The following STK11 variants were observed in gnomAD, a reference collection of about 807,000 sequenced individuals.
STK11 encodes serine/threonine-protein kinase STK11.
A neutral mutation model predicts 47.3 loss-of-function variants in STK11; 8 were observed. The ratio of observed to expected loss-of-function variants is 0.17; its 90% confidence interval spans 0.10 to 0.31. STK11 has a LOEUF of 0.31. Ranked by LOEUF, STK11 falls within the 10% of genes least tolerant of loss-of-function variation. The pLI, the probability that STK11 is intolerant of heterozygous loss-of-function variation, is 1.00. For synonymous variants in STK11, 330 were observed against 255.8 expected (o/e 1.29, Z -2.77); for missense variants, 475 against 605.0 (o/e 0.79, Z 2.25).
At chr19:1,207,594 G>A (rs771722495) in intron 1 of STK11, among the ~76,000 whole-genome samples, 7 of 152,240 alleles carry the variant, frequency 4.6e-5, no homozygotes, top group Non-Finnish European at 8.8e-5. Context: ...GAGTTTGTGT[G>A]CGGCCGCCAA....
chr19:1,207,380 G>A (rs1200811190), intron 1 of STK11, among the ~76,000 whole-genome samples, 177 bp downstream of exon 1: 1 of 152,178 alleles, frequency 6.6e-6, no homozygotes, highest in Non-Finnish European at 1.5e-5. Context: ...CCTGCGTTAC[G>A]GACTTTCACT....
At position 1,226,551 on chromosome 19, in the gene STK11, C is replaced by A. The variant is rs758129211; in HGVS notation, c.1206C>A (p.Thr402=). The A allele has an allele frequency of 3.1e-6, 5 of 1,602,160 alleles. No homozygotes were observed. The highest frequency in any genetic ancestry group is 2.3e-5 in the East Asian group (1 of 44,254). The part of the protein sequence containing the change: ...MNGTEAAQLS[T]KSRAEGRAPN... ...GCACAGAGGCGGCGCAGCTGAGCAC[C>A]AAATCCAGGGCGGAGGGCCGGGCCC... The change falls in exon 9 of 10, where the codon ACC becomes ACA. Residue 402 remains threonine, a synonymous_variant. Transcript: ENST00000326873.
Position 1,218,408 on chromosome 19 carries a change from C to T in STK11, c.291-9C>T, listed in dbSNP as rs1284524218. 1.9e-6 allele frequency: 3 copies of T among 1,611,924 alleles called. No individual in the cohort carries two copies. The highest frequency in any genetic ancestry group is 1.3e-5 in the African/African-American group (1 of 75,034). The stretch of plus-strand genomic sequence containing the variant: ...GTCGGCTGATACACCCCTGTCCTCT[C>T]TGTCCCAGGGAAATTCAACTACTGA... On this transcript the variant is annotated splice_polypyrimidine_tract_variant and intron_variant, in intron 1 of 9. Transcript: ENST00000326873.
chr19:1,226,332 C>T (rs748260775), intron 8 of STK11, 122 bp from the exon 9 acceptor site: 22 of 1,495,660 alleles, frequency 1.5e-5, no homozygotes, highest in South Asian at 1.2e-4. Context: ...GGGCCTGACC[C>T]GGGGGCGGGC....
At chr19:1,223,303 T>C in intron 8 of STK11, 131 bp downstream of exon 8, 1 of 1,163,012 alleles carries the variant, frequency 8.6e-7, no homozygotes, top group Non-Finnish European at 1.2e-6. Flanking sequence ...CCCCAAAGCC[T>C]CCAGCCCACC....
chr19:1,209,649 G>A (rs1357931234), intron 1 of STK11, among the ~76,000 whole-genome samples: 2 of 152,068 alleles, frequency 1.3e-5, no homozygotes, highest in African/African-American at 4.8e-5. Context: ...TTTGACAAAT[G>A]TATATGCAGG....
chr19:1,222,038 G>T, intron 7 of STK11, 32 bp downstream of exon 7: 2 of 1,554,964 alleles, frequency 1.3e-6, no homozygotes, highest in Non-Finnish European at 1.7e-6. Flanking sequence ...TGGGGCCGAG[G>T]CTGCAGGGAG....
intron 8 of STK11, chr19:1,225,604 A>G: frequency 3.0e-6 from 3 of 985,478 alleles, no homozygotes; most frequent in Non-Finnish European, 2.4e-6. Context: ...CTTCCTGTGC[A>G]CATGGGGTGG....
chr19:1,226,179 G>A, intron 8 of STK11: 1 of 1,312,460 alleles, frequency 7.6e-7, no homozygotes. Context: ...GTCAGTACCT[G>A]GGTGGGGTCC....
At chr19:1,220,255 C>T in intron 3 of STK11, 118 bp from the exon 4 acceptor site, 1 of 1,364,820 alleles carries the variant, frequency 7.3e-7, no homozygotes, top group African/African-American at 1.4e-5. Context: ...TGTGCCTGGA[C>T]TTCTGTGACT....
chr19:1,209,408 C>T (rs1295184219), intron 1 of STK11, among the ~76,000 whole-genome samples: 3 of 151,892 alleles, frequency 2.0e-5, no homozygotes, highest in Non-Finnish European at 4.4e-5. Context: ...CATGGTGAAA[C>T]CCCATCTCTA....
chr19:1,223,649 G>A (rs1396554614), intron 8 of STK11: 5 of 1,066,732 alleles, frequency 4.7e-6, no homozygotes, highest in Non-Finnish European at 3.4e-6. Context: ...TGGCGAGGAG[G>A]CGTCTGAGGC....
Position 1,228,070 on chromosome 19 carries a change from T to TA in STK11, c.*496dup. The TA allele has an allele frequency of 9.4e-7, 1 of 1,065,046 alleles. No homozygotes were observed. The highest frequency in any genetic ancestry group is 4.6e-5 in the South Asian group (1 of 21,962). The allele number at this position is 1,065,046 out of a possible 1,614,324, so 66.0% of individuals were successfully genotyped here. ...CATTTTCTTTTTTTCTTTTTTTTTTTAAGAAAAAATAAAAGGTGGATTTGA... is the reference window on the plus strand; with the variant it reads ...CATTTTCTTTTTTTCTTTTTTTTTTTAAAGAAAAAATAAAAGGTGGATTTGA... On this transcript the variant is annotated 3_prime_UTR_variant, in exon 10 of 10. Transcript: ENST00000326873.
chr19:1,225,132 T>TG, intron 8 of STK11: 1 of 985,152 alleles, frequency 1.0e-6, no homozygotes, highest in Non-Finnish European at 1.2e-6. Context: ...GAGTGTGGGG[T>TG]GGGGCAAGGG....
At chr19:1,223,601 C>A in intron 8 of STK11, 1 of 1,072,584 alleles carries the variant, frequency 9.3e-7, no homozygotes, top group Non-Finnish European at 1.1e-6. Flanking sequence ...CTGAGGCCTG[C>A]CCGCTGGCCC....
intron 3 of STK11, 45 bp downstream of exon 3, chr19:1,219,458 C>CCGGGGGA: frequency 1.3e-6 from 2 of 1,537,638 alleles, no homozygotes; most frequent in Non-Finnish European, 1.8e-6. Context: ...GGGCCGGGGG[C>CCGGGGGA]CAGGCAGGGC....
At chr19:1,226,704 C>G (rs1323845690) in intron 9 of STK11, 41 bp downstream of exon 9, 1 of 1,449,366 alleles carries the variant, frequency 6.9e-7, no homozygotes, top group Non-Finnish European at 9.0e-7. Flanking sequence ...GTGGGGACAA[C>G]GCCTGGATGC....
intron 1 of STK11, among the ~76,000 whole-genome samples, chr19:1,209,955 G>C (rs2080698144): frequency 6.6e-6 from 1 of 152,180 alleles, no homozygotes; most frequent in Non-Finnish European, 1.5e-5. Flanking sequence ...TGAAGTGAGT[G>C]ATGCACCCTC....
chr19:1,210,028 G>A (rs995103884), intron 1 of STK11, among the ~76,000 whole-genome samples: 2 of 152,170 alleles, frequency 1.3e-5, no homozygotes, highest in African/African-American at 4.8e-5. Flanking sequence ...CCCTTGCGGG[G>A]CCCCCTGGGA....
Sources: allele counts gnomAD v4.1 joint callset (sites outside exome capture counted in the v4.1 genomes callset), GRCh38; gene constraint gnomAD v4.1.1; transcripts MANE v1.5; gene names NCBI Gene and HGNC (gene_info 2026-07-23, HGNC 2026-07-21).